The following CADM2 variants were observed in gnomAD, a reference collection of about 807,000 sequenced individuals.
The protein encoded by CADM2 is immunoglobulin superfamily member 4D.
In CADM2, 12 loss-of-function variants were observed where a neutral mutation model predicts 49.8. The observed-to-expected ratio is 0.24, with a 90% CI of 0.15 to 0.39. The LOEUF is 0.39. Ranked by LOEUF, CADM2 falls within the 10% of genes least tolerant of loss-of-function variation. CADM2 has a pLI of 1.00. For synonymous variants in CADM2, 214 were observed against 175.4 expected (o/e 1.22, Z -1.74); for missense variants, 378 against 492.3 (o/e 0.77, Z 2.20).
At chr3:85,121,146 C>T (rs1184645053) in intron 1 of CADM2, among the ~76,000 whole-genome samples, 2 of 152,116 alleles carry the variant, frequency 1.3e-5, no homozygotes, top group African/African-American at 4.8e-5. Flanking sequence ...GAGTTCTGCC[C>T]TCAGGGTAAT....
intron 1 of CADM2, among the ~76,000 whole-genome samples, chr3:85,357,387 C>T (rs1254584971): frequency 6.6e-6 from 1 of 152,050 alleles, no homozygotes; most frequent in South Asian, 2.1e-4. Context: ...ATTCTTCCAC[C>T]TAACTTTTAC....
At position 85,306,853 on chromosome 3, in the gene CADM2, AC is replaced by A. The variant is rs1231086495; in HGVS notation, c.61+347187del. On this transcript the variant is annotated intron_variant, in intron 1 of 9. Coordinates refer to ENST00000383699, the MANE Select transcript of CADM2 (RefSeq NM_001167675.2). ...AATATATATGGAATAAATTGCCCAA[AC>A]CTTAAATGCAGCTTAATTTTTTTGC... 3.3e-5 allele frequency among the ~76,000 whole-genome samples: 5 copies of A among 151,766 alleles called. No individual in the cohort carries two copies. The East Asian group carries it at 9.7e-4, about 29-fold the overall frequency.
chr3:85,080,974 G>A (rs897168161), intron 1 of CADM2, among the ~76,000 whole-genome samples: 1 of 151,914 alleles, frequency 6.6e-6, no homozygotes, highest in Non-Finnish European at 1.5e-5. Context: ...CCAAAATAAT[G>A]AGGAAATACT....
intron 1 of CADM2, among the ~76,000 whole-genome samples, chr3:85,050,127 G>A (rs1042536489): frequency 6.6e-6 from 1 of 151,952 alleles, no homozygotes; most frequent in Non-Finnish European, 1.5e-5. Flanking sequence ...TCTGTTGGGG[G>A]CTATGTATTA....
intron 1 of CADM2, among the ~76,000 whole-genome samples, chr3:85,659,094 T>G (rs1297168946): frequency 1.1e-5 from 1 of 87,686 alleles, no homozygotes; most frequent in Non-Finnish European, 2.4e-5. Flanking sequence ...AACAATAAAT[T>G]TTTTAAAACT....
chr3:85,576,954 A>G (rs535446165), intron 1 of CADM2, among the ~76,000 whole-genome samples: 2 of 152,240 alleles, frequency 1.3e-5, no homozygotes, highest in South Asian at 4.1e-4. Flanking sequence ...ATAGAACACA[A>G]ATGGGGACAA....
chr3:85,724,204 A>G (rs2067605807), intron 1 of CADM2, among the ~76,000 whole-genome samples: 1 of 152,036 alleles, frequency 6.6e-6, no homozygotes, highest in African/African-American at 2.4e-5. Flanking sequence ...TGTTTGAAAT[A>G]GTAGATTCTG....
At chr3:85,321,091 C>CATAT (rs1227890094) in intron 1 of CADM2, among the ~76,000 whole-genome samples, 4,619 of 64,576 alleles carry the variant, frequency 0.072, 220 homozygotes, top group East Asian at 0.095. Context: ...TAGATATATA[C>CATAT]ATATATATAT....
At chr3:85,962,565 C>T (rs760539611) in intron 8 of CADM2, among the ~76,000 whole-genome samples, 2 of 151,808 alleles carry the variant, frequency 1.3e-5, no homozygotes, top group Admixed American at 6.6e-5. Context: ...TTTCAAATGC[C>T]ACAATGGGTT....
At chr3:85,565,520 T>A (rs67999244) in intron 1 of CADM2, among the ~76,000 whole-genome samples, 77,853 of 151,924 alleles carry the variant, frequency 0.51, 23,039 homozygotes, top group East Asian at 0.85. Flanking sequence ...CTTTATTTTT[T>A]AGTAAACTCA....
At chr3:85,411,160 T>C (rs1264060164) in intron 1 of CADM2, among the ~76,000 whole-genome samples, 1 of 152,206 alleles carries the variant, frequency 6.6e-6, no homozygotes, top group Non-Finnish European at 1.5e-5. Context: ...TAAACTGATC[T>C]ATTGTGTGGT....
At chr3:85,737,850 G>T (rs922721800) in intron 2 of CADM2, among the ~76,000 whole-genome samples, 17 of 152,130 alleles carry the variant, frequency 1.1e-4, no homozygotes, top group Non-Finnish European at 2.2e-4. Context: ...GAGCCACTGT[G>T]CCAGGCCTAA....
intron 1 of CADM2, among the ~76,000 whole-genome samples, chr3:85,273,298 G>C (rs1559753477): frequency 6.6e-6 from 1 of 151,264 alleles, no homozygotes; most frequent in Admixed American, 6.6e-5. Flanking sequence ...TGGTTATTCT[G>C]GATGAGGTGG....
chr3:85,284,442 G>A (rs980198319), intron 1 of CADM2, among the ~76,000 whole-genome samples: 17 of 152,040 alleles, frequency 1.1e-4, no homozygotes, highest in African/African-American at 3.6e-4. Flanking sequence ...ACAAGGAGAA[G>A]AAGAAAAATA....
intron 1 of CADM2, among the ~76,000 whole-genome samples, chr3:85,123,403 T>C (rs1244092318): frequency 6.6e-6 from 1 of 152,160 alleles, no homozygotes; most frequent in Non-Finnish European, 1.5e-5. Context: ...TTTATTGTAA[T>C]CTTTTTTGGT....
intron 1 of CADM2, among the ~76,000 whole-genome samples, chr3:85,607,564 C>A (rs574779534): frequency 1.2e-4 from 19 of 152,244 alleles, no homozygotes; most frequent in African/African-American, 3.4e-4. Flanking sequence ...ATGGATTCTC[C>A]AATCACCCTG....
intron 1 of CADM2, among the ~76,000 whole-genome samples, chr3:85,410,560 T>C (rs548309146): frequency 6.6e-6 from 1 of 152,292 alleles, no homozygotes; most frequent in African/African-American, 2.4e-5. Context: ...TAAAAAGGAT[T>C]TGGCTTTAAA....
intron 1 of CADM2, among the ~76,000 whole-genome samples, chr3:85,155,801 C>T (rs1260485125): frequency 6.6e-6 from 1 of 152,172 alleles, no homozygotes; most frequent in East Asian, 1.9e-4. Context: ...CAAAACTGCT[C>T]AACTACATGG....
intron 1 of CADM2, among the ~76,000 whole-genome samples, chr3:85,005,162 T>A (rs2033661332): frequency 6.6e-6 from 1 of 152,152 alleles, no homozygotes; most frequent in Non-Finnish European, 1.5e-5. Context: ...GGAGTAGCAT[T>A]TGGCAAACTT....
Sources: gnomAD v4.1 joint callset for allele counts (sites outside exome capture counted in the v4.1 genomes callset) on GRCh38, gnomAD v4.1.1 for gene constraint, MANE v1.5 for transcripts, NCBI Gene and HGNC (gene_info 2026-07-23, HGNC 2026-07-21) for gene names.